CLVS1: variants seen among roughly 807,000 people sequenced by gnomAD.
CLVS1 encodes clavesin 1.
A neutral mutation model predicts 33.1 loss-of-function variants in CLVS1; 10 were observed. That is an observed-to-expected ratio of 0.30 (90% confidence interval 0.19 to 0.51). The LOEUF (loss-of-function observed/expected upper bound fraction) is 0.51, where lower values mean the gene tolerates loss of function less well. CLVS1 is among the 20% of genes least tolerant of loss of function. The pLI, the probability that CLVS1 is intolerant of heterozygous loss-of-function variation, is 0.97. For missense variants in CLVS1, 343 were observed against 433.4 expected, an observed-to-expected ratio of 0.79 and a Z score of 1.85; for synonymous variants, 163 against 166.1, an observed-to-expected ratio of 0.98 and a Z score of 0.14.
chr8:61,423,232 T>A (rs1182854280), intron 3 of CLVS1, among the ~76,000 whole-genome samples: 1 of 152,212 alleles, frequency 6.6e-6, no homozygotes, highest in Non-Finnish European at 1.5e-5. Flanking sequence ...TAGGTACTTA[T>A]TTCTTTAGTG....
At chr8:61,112,773 A>AT (rs141144564) in intron 1 of CLVS1, among the ~76,000 whole-genome samples, 2,929 of 152,300 alleles carry the variant, frequency 0.019, 34 homozygotes, top group Non-Finnish European at 0.029. Context: ...CCACCAGCAG[A>AT]TGACATTGCT....
intron 1 of CLVS1, among the ~76,000 whole-genome samples, chr8:61,104,106 A>G (rs2129286968): frequency 6.6e-6 from 1 of 152,352 alleles, no homozygotes; most frequent in South Asian, 2.1e-4. Context: ...TTCAGCAGGC[A>G]TGAAAATAAG....
chr8:61,365,247 G>T (rs758380634), intron 2 of CLVS1, among the ~76,000 whole-genome samples: 5 of 152,142 alleles, frequency 3.3e-5, no homozygotes, highest in Admixed American at 2.6e-4. Context: ...ATAAATGTTG[G>T]CCAGGTGCGT....
intron 2 of CLVS1, among the ~76,000 whole-genome samples, chr8:61,255,663 C>G (rs1057065880): frequency 2.0e-5 from 3 of 152,142 alleles, no homozygotes; most frequent in Non-Finnish European, 4.4e-5. Flanking sequence ...CAAGGCACAT[C>G]TTTTCAAGCA....
chr8:61,046,998 T>C, the CLVS1 span, among the ~76,000 whole-genome samples: 1,188 of 152,298 alleles, frequency 7.8e-3, 51 homozygotes, highest in East Asian at 0.083. Flanking sequence ...TCCTGCCTAA[T>C]TGCCCTGGCC....
intron 2 of CLVS1, among the ~76,000 whole-genome samples, chr8:61,372,459 A>T (rs1026842554): frequency 1.2e-4 from 18 of 152,238 alleles, no homozygotes; most frequent in African/African-American, 4.1e-4. Context: ...CTGTGAAGAC[A>T]GTACAGAGAC....
chr8:61,297,395 A>C (rs1334883167), intron 1 of CLVS1, among the ~76,000 whole-genome samples: 2 of 152,146 alleles, frequency 1.3e-5, no homozygotes, highest in Non-Finnish European at 2.9e-5. Flanking sequence ...GGATGGAAAT[A>C]ACTGGGAAAG....
At chr8:61,102,163 G>A (rs1000478936) in intron 1 of CLVS1, among the ~76,000 whole-genome samples, 14 of 152,122 alleles carry the variant, frequency 9.2e-5, no homozygotes, top group Non-Finnish European at 1.3e-4. Context: ...TGGAGATTGC[G>A]TTAAATCTGT....
At chr8:61,278,863 C>G (rs183255215) in intron 2 of CLVS1, among the ~76,000 whole-genome samples, 2 of 152,158 alleles carry the variant, frequency 1.3e-5, no homozygotes, top group Non-Finnish European at 2.9e-5. Flanking sequence ...TACTCCCATG[C>G]TCCTGGGGCC....
chr8:61,400,973 G>A (rs931091472), intron 3 of CLVS1, among the ~76,000 whole-genome samples: 5 of 151,930 alleles, frequency 3.3e-5, no homozygotes, highest in African/African-American at 9.7e-5. Flanking sequence ...TATTTATCAA[G>A]GATATTGGCC....
intron 2 of CLVS1, among the ~76,000 whole-genome samples, chr8:61,353,213 T>A (rs919338847): frequency 3.3e-5 from 5 of 152,020 alleles, no homozygotes; most frequent in Non-Finnish European, 1.5e-5. Flanking sequence ...TTGACATTTA[T>A]AGAACACATC....
At chr8:61,152,059 A>G (rs1361238723) in intron 2 of CLVS1, among the ~76,000 whole-genome samples, 1 of 151,882 alleles carries the variant, frequency 6.6e-6, no homozygotes, top group Non-Finnish European at 1.5e-5. Context: ...GTGGGTTAAG[A>G]TTATCTATCT....
chr8:61,028,548 G>A, the CLVS1 span, among the ~76,000 whole-genome samples: 6 of 152,160 alleles, frequency 3.9e-5, no homozygotes, highest in Non-Finnish European at 8.8e-5. Flanking sequence ...GAGGTGTCAG[G>A]TCACCTCAAA....
intron 2 of CLVS1, among the ~76,000 whole-genome samples, chr8:61,349,255 T>G (rs1812351928): frequency 6.6e-6 from 1 of 152,124 alleles, no homozygotes. Flanking sequence ...TTTTCTTGCT[T>G]GTGCTTTTGG....
chr8:61,146,904 G>A (rs953095049), intron 2 of CLVS1, among the ~76,000 whole-genome samples: 7 of 152,228 alleles, frequency 4.6e-5, no homozygotes, highest in Admixed American at 4.6e-4. Flanking sequence ...TCATCAGCAT[G>A]GTGGTGGGGT....
chr8:61,069,973 A>G lies in CLVS1; in HGVS notation c.-243+12743A>G, dbSNP rs182292992. Among the ~76,000 whole-genome samples the G allele has an allele frequency of 1.7e-3, 251 of 152,080 alleles. 1 individual carries two copies. The highest frequency in any genetic ancestry group is 2.8e-3 in the Non-Finnish European group (187 of 67,968). ...ATGCCTGGCTAATTTTTGTATTTTT[A>G]GTAGAGACAGGGTTTTGCCATGTTG... On this transcript the variant is annotated intron_variant, in intron 1 of 2. Coordinates refer to the CLVS1 transcript ENST00000522621.
Position 61,256,075 on chromosome 8 carries a change from T to C in CLVS1, c.-151-43602T>C, listed in dbSNP as rs144412673. Among the ~76,000 whole-genome samples the C allele has an allele frequency of 4.6e-4, 70 of 152,310 alleles. No homozygotes were observed. The East Asian group carries it at 0.013, about 28-fold the overall frequency. ...ACCATCTGTCTCCAGAGCTTTTCAT[T>C]ATCACAAACTGAAACCCTATTCCCA... On this transcript the variant is annotated intron_variant, in intron 2 of 2. Transcript: ENST00000522621.
intron 2 of CLVS1, chr8:61,202,333 A>C: frequency 1.4e-6 from 1 of 718,138 alleles, no homozygotes; most frequent in South Asian, 1.6e-5. Context: ...CTCCTACCTA[A>C]GTGCGTGCTG....
In CLVS1 at chr8:61,398,324, G is replaced by C. The variant is rs531604856; in HGVS notation, c.630+21545G>C. Among the ~76,000 whole-genome samples the C allele has an allele frequency of 1.3e-4, 19 of 151,838 alleles. No individual in the cohort carries two copies. The East Asian group carries it at 3.3e-3, about 26-fold the overall frequency. ...AGCCTCCCAAGTAGCTGTAACCACA[G>C]GTATGCACCACAATGCCTGGTAAAT... On this transcript the variant is annotated intron_variant, in intron 3 of 5. Coordinates refer to ENST00000325897, the MANE Select transcript of CLVS1 (RefSeq NM_173519.3).
Sources: allele counts gnomAD v4.1 joint callset (sites outside exome capture counted in the v4.1 genomes callset), GRCh38; gene constraint gnomAD v4.1.1; transcripts MANE v1.5; gene names NCBI Gene and HGNC (gene_info 2026-07-23, HGNC 2026-07-21).